ADAM23: variants seen among roughly 807,000 people sequenced by gnomAD.
The protein encoded by ADAM23 is ADAM metallopeptidase domain 23.
In ADAM23, 33 loss-of-function variants were observed where a neutral mutation model predicts 120.1. The observed-to-expected ratio is 0.27, with a 90% confidence interval of 0.21 to 0.37. The LOEUF (loss-of-function observed/expected upper bound fraction) is 0.37, where lower values mean the gene tolerates loss of function less well. ADAM23 is among the 10% of genes least tolerant of loss of function. ADAM23 has a pLI of 1.00. For missense variants in ADAM23, 862 were observed against 1,058.2 expected (o/e 0.81, Z 2.57); for synonymous variants, 367 against 375.2 (o/e 0.98, Z 0.25).
In ADAM23 at chr2:206,529,303, C is replaced by T. The variant is rs1697002528; in HGVS notation, c.510-1582C>T. Among the ~76,000 whole-genome samples, 3 of 152,190 alleles carry T rather than the reference C, an allele frequency of 2.0e-5. No homozygotes were observed. The South Asian group carries it at 6.2e-4, about 32-fold the overall frequency. On this transcript the variant is annotated intron_variant, in intron 3 of 25. Transcript: ENST00000264377. ...TCCTTGACCATCTCCATTTGACATACAAGTTGGGGAACTTGCCTATTTAAA... is the reference window on the plus strand; with the variant it reads ...TCCTTGACCATCTCCATTTGACATATAAGTTGGGGAACTTGCCTATTTAAA...
chr2:206,523,634 T>A (rs1696889583), intron 3 of ADAM23, among the ~76,000 whole-genome samples: 1 of 152,190 alleles, frequency 6.6e-6, no homozygotes, highest in South Asian at 2.1e-4. Context: ...GTCTATTTTT[T>A]TTTTAAAACT....
intron 3 of ADAM23, 132 bp from the exon 4 acceptor site, chr2:206,530,753 T>C: frequency 1.9e-6 from 1 of 518,238 alleles, no homozygotes; most frequent in South Asian, 4.8e-5. Flanking sequence ...AACCTGTTTT[T>C]GTTTCTGTAC....
chr2:206,554,445 G>T (rs941805170), intron 9 of ADAM23, among the ~76,000 whole-genome samples: 6 of 152,124 alleles, frequency 3.9e-5, no homozygotes, highest in African/African-American at 9.7e-5. Context: ...AATGTTTTGC[G>T]TACGTGTTTT....
rs759397430 is a variant in ADAM23 at position 206,543,176 on chromosome 2, A to G, written c.657-77A>G. 96 of 1,252,358 alleles carry G rather than the reference A, an allele frequency of 7.7e-5. 1 individual carries two copies. The highest frequency in any genetic ancestry group is 1.1e-4 in the Non-Finnish European group (92 of 856,028). 77.6% of individuals were successfully genotyped at this position (1,252,358 alleles called of 1,614,324 possible). On this transcript the variant is annotated intron_variant, in intron 5 of 25. Transcript: ENST00000264377. ...ATACTCTTTATTTTGAAGACACAATAATGAAGCTCACTTGCTATTTCTTGC... is the reference window on the plus strand; with the variant it reads ...ATACTCTTTATTTTGAAGACACAATGATGAAGCTCACTTGCTATTTCTTGC...
chr2:206,548,260 AC>A lies in ADAM23; in HGVS notation c.794-20del. On this transcript the variant is annotated intron_variant, in intron 7 of 25. Coordinates refer to ENST00000264377, the MANE Select transcript of ADAM23 (RefSeq NM_003812.4). ...ATTGAAATAAGCATAAAATTTTGAT[AC>A]TAATTTTTCCTTTCTGCAGCTATGG... 6.2e-7 allele frequency: 1 copy of A among 1,605,024 alleles called. No individual in the cohort carries two copies.
intron 6 of ADAM23, 103 bp downstream of exon 6, chr2:206,543,419 C>T: frequency 2.1e-6 from 2 of 974,068 alleles, no homozygotes; most frequent in Non-Finnish European, 3.1e-6. Flanking sequence ...TGCCTTTGTA[C>T]ATGTTAACTT....
chr2:206,471,866 T>C (rs948749117), intron 2 of ADAM23, among the ~76,000 whole-genome samples: 3 of 152,168 alleles, frequency 2.0e-5, no homozygotes, highest in African/African-American at 7.2e-5. Flanking sequence ...ATAGTTGTAT[T>C]TTTACTCATC....
rs756949385 is a variant in ADAM23, at chr2:206,609,969, A to G, written c.2419A>G (p.Ile807Val). ...SIAGAILVAAIVLGGTGWGFK... is the reference protein window; with the variant it reads ...SIAGAILVAAVVLGGTGWGFK... ...CGCTGGTGCCATCCTGGTAGCAGCT[A>G]TTGTCCTTGGGGGCACAGGCTGGGG... Residue 807 changes from isoleucine to valine, a missense_variant, in exon 25 of 26, where the codon ATT becomes GTT. This residue lies in a region of ADAM23 where 4 missense variants were observed against 23.2 expected (regional missense o/e 0.17). Transcript: ENST00000264377. 9 of 1,595,256 alleles carry G rather than the reference A, an allele frequency of 5.6e-6. No homozygotes were observed. Among genetic ancestry groups the G allele is most frequent in the African/African-American group, 5.4e-5 (4 of 73,418 alleles).
At chr2:206,553,000 A>G (rs1355056477) in intron 9 of ADAM23, among the ~76,000 whole-genome samples, 1 of 152,164 alleles carries the variant, frequency 6.6e-6, no homozygotes, top group African/African-American at 2.4e-5. Flanking sequence ...GGTGAGAAGT[A>G]GGTATGATAT....
chr2:206,497,252 A>G (rs1016127370), intron 3 of ADAM23, among the ~76,000 whole-genome samples: 1 of 152,234 alleles, frequency 6.6e-6, no homozygotes, highest in African/African-American at 2.4e-5. Context: ...AAAAATCCTC[A>G]GTAAAATACT....
At chr2:206,582,376 G>C (rs563091461) in intron 18 of ADAM23, among the ~76,000 whole-genome samples, 1 of 152,174 alleles carries the variant, frequency 6.6e-6, no homozygotes, top group South Asian at 2.1e-4. Flanking sequence ...CTTGCTTTTG[G>C]TGTCCATTTG....
At chr2:206,590,082 A>G (rs1409911198) in intron 21 of ADAM23, among the ~76,000 whole-genome samples, 1 of 151,944 alleles carries the variant, frequency 6.6e-6, no homozygotes, top group Non-Finnish European at 1.5e-5. Flanking sequence ...TTCAGAGCAC[A>G]TTGATATTTC....
At chr2:206,453,727 T>G (rs1345277058) in intron 2 of ADAM23, among the ~76,000 whole-genome samples, 4 of 152,218 alleles carry the variant, frequency 2.6e-5, no homozygotes, top group African/African-American at 9.6e-5. Context: ...TGAATAAAAC[T>G]TTTGCTTTCT....
At chr2:206,570,540 T>C (rs1697974663) in intron 15 of ADAM23, among the ~76,000 whole-genome samples, 200 bp from the exon 16 acceptor site, 1 of 152,132 alleles carries the variant, frequency 6.6e-6, no homozygotes, top group African/African-American at 2.4e-5. Context: ...TATTGCCCCA[T>C]TTCAGATATA....
chr2:206,497,497 A>G (rs1696279203), intron 3 of ADAM23, among the ~76,000 whole-genome samples: 2 of 152,076 alleles, frequency 1.3e-5, no homozygotes, highest in South Asian at 4.1e-4. Context: ...TCGATGGGAC[A>G]TATCTCAAAA....
intron 3 of ADAM23, among the ~76,000 whole-genome samples, chr2:206,493,435 C>T (rs139121441): frequency 0.011 from 1,700 of 152,224 alleles, 36 homozygotes; most frequent in African/African-American, 0.039. Flanking sequence ...TGCAGTGGCG[C>T]GATCTCGGCT....
At chr2:206,542,954 CTA>C (rs1217455429) in intron 5 of ADAM23, among the ~76,000 whole-genome samples, 1 of 152,134 alleles carries the variant, frequency 6.6e-6, no homozygotes, top group Non-Finnish European at 1.5e-5. Context: ...GTGAATAGTC[CTA>C]TCTCAGAGTA....
chr2:206,605,592 T>C (rs1198921214), intron 24 of ADAM23, among the ~76,000 whole-genome samples: 1 of 152,246 alleles, frequency 6.6e-6, no homozygotes, highest in Non-Finnish European at 1.5e-5. Flanking sequence ...AAGTAGGGTG[T>C]GCAGAATTTG....
chr2:206,562,772 G>A (rs534178665), intron 13 of ADAM23, among the ~76,000 whole-genome samples: 1 of 152,346 alleles, frequency 6.6e-6, no homozygotes, highest in Admixed American at 6.5e-5. Flanking sequence ...TGCAAGGGAA[G>A]ACCCTGCCCC....
Sources: allele counts gnomAD v4.1 joint callset (sites outside exome capture counted in the v4.1 genomes callset), GRCh38; gene constraint gnomAD v4.1.1; regional missense constraint gnomAD v4.1.1; transcripts MANE v1.5; gene names NCBI Gene and HGNC (gene_info 2026-07-23, HGNC 2026-07-21).